The following UTRN variants were observed in gnomAD, a reference collection of about 807,000 sequenced individuals.
UTRN encodes utrophin.
A neutral mutation model predicts 463.9 loss-of-function variants in UTRN; 283 were observed. The ratio of observed to expected loss-of-function variants is 0.61; its 90% CI spans 0.55 to 0.67. The LOEUF is 0.67. UTRN is among the 30% of genes least tolerant of loss of function. The probability of loss-of-function intolerance (pLI) is 0.00; values close to 1 mark genes in which losing one functional copy is unlikely to be tolerated. For missense variants in UTRN, 3,922 were observed against 4,084.3 expected (o/e 0.96, Z 1.08); for synonymous variants, 1,442 against 1,431.5 (o/e 1.01, Z -0.17).
chr6:144,659,723 T>A (rs1439464913), intron 51 of UTRN: 2 of 152,686 alleles, frequency 1.3e-5, no homozygotes, highest in Non-Finnish European at 2.9e-5. Flanking sequence ...AGGATTTTTT[T>A]TTTTTCGTTC....
intron 52 of UTRN, among the ~76,000 whole-genome samples, chr6:144,694,267 T>C (rs1204126995): frequency 6.6e-6 from 1 of 151,758 alleles, no homozygotes; most frequent in Admixed American, 6.6e-5. Flanking sequence ...AGCTTTTTCA[T>C]GTGCTGCTGG....
rs575792278 is a variant in UTRN, at chr6:144,303,349, A to T, written c.79+11442A>T. ...CTTTGTGGGACTTTTTAGTAACAGT[A>T]TCTATAAAGCCGCAATGTAAACTTC... On this transcript the variant is annotated intron_variant, in intron 2 of 74. Coordinates refer to ENST00000367545, the MANE Select transcript of UTRN (RefSeq NM_007124.3). 2.6e-5 allele frequency among the ~76,000 whole-genome samples: 4 copies of T among 152,354 alleles called. No individual in the cohort carries two copies. In the South Asian group the frequency reaches 8.3e-4, roughly 32 times the overall value.
At chr6:144,756,785 G>A (rs9321990) in intron 57 of UTRN, among the ~76,000 whole-genome samples, 71,515 of 151,946 alleles carry the variant, frequency 0.47, 21,748 homozygotes, top group East Asian at 0.87. Flanking sequence ...TTGAGTAGAA[G>A]AATTGCTCAG....
At chr6:144,742,416 A>G (rs1285015158) in intron 54 of UTRN, among the ~76,000 whole-genome samples, 5 of 152,212 alleles carry the variant, frequency 3.3e-5, no homozygotes, top group Admixed American at 3.3e-4. Context: ...ACTTTATCAG[A>G]AAATTAGGAA....
chr6:144,386,158 TA>T (rs1562325993), intron 2 of UTRN, among the ~76,000 whole-genome samples: 1 of 152,178 alleles, frequency 6.6e-6, no homozygotes. Context: ...ATGAGCTTTT[TA>T]ATTAAAAAAT....
chr6:144,391,875 C>T (rs1002505630), intron 2 of UTRN, among the ~76,000 whole-genome samples: 71 of 152,316 alleles, frequency 4.7e-4, no homozygotes, highest in African/African-American at 1.5e-3. Flanking sequence ...CTCCTGACCT[C>T]GTGATCTGCC....
In UTRN at chr6:144,678,519, T is replaced by G. The variant is rs745720587; in HGVS notation, c.7593T>G (p.His2531Gln). The G allele has an allele frequency of 2.5e-5, 40 of 1,612,850 alleles. No individual in the cohort carries two copies. Among genetic ancestry groups the G allele is most frequent in the Admixed American group, 1.8e-4 (11 of 59,848 alleles). The change falls in exon 52 of 75, where the codon CAT becomes CAG. Residue 2531 changes from histidine (H) to glutamine (Q), a missense_variant. By Grantham distance (24) the His-to-Gln change is conservative. Coordinates refer to ENST00000367545, the MANE Select transcript of UTRN (RefSeq NM_007124.3). ...CTGAAGAGGCTACTATGCTTCAACA[T>G]CGACTGGATGATATGAACCAAAGAT... ...GNSEEATMLQ[H>Q]RLDDMNQRWN...
At chr6:144,410,818 GTGTA>G (rs201416596) in intron 3 of UTRN, among the ~76,000 whole-genome samples, 6,178 of 130,004 alleles carry the variant, frequency 0.048, 274 homozygotes, top group East Asian at 0.16. Context: ...GTGTGTGTGT[GTGTA>G]TATACACACC....
At chr6:144,376,369 C>T (rs910476640) in intron 2 of UTRN, among the ~76,000 whole-genome samples, 23 of 151,758 alleles carry the variant, frequency 1.5e-4, no homozygotes, top group Admixed American at 1.4e-3. Flanking sequence ...GCAGGAGAAT[C>T]GCTTGAACTC....
intron 51 of UTRN, among the ~76,000 whole-genome samples, chr6:144,646,639 G>A (rs1778332136): frequency 6.6e-6 from 1 of 151,964 alleles, no homozygotes; most frequent in Non-Finnish European, 1.5e-5. Flanking sequence ...ATCAAGAAAT[G>A]GGAGGTTTTC....
intron 53 of UTRN, among the ~76,000 whole-genome samples, chr6:144,717,524 T>C (rs1212679264): frequency 6.6e-6 from 1 of 152,200 alleles, no homozygotes; most frequent in African/African-American, 2.4e-5. Context: ...TCTAAGAATC[T>C]AAACTGATAT....
chr6:144,457,228 T>C (rs142556500), intron 19 of UTRN, among the ~76,000 whole-genome samples: 1 of 152,336 alleles, frequency 6.6e-6, no homozygotes, highest in Non-Finnish European at 1.5e-5. Flanking sequence ...GATTCAGATG[T>C]TTAAAATTGG....
intron 48 of UTRN, among the ~76,000 whole-genome samples, chr6:144,552,106 T>G (rs1383851391): frequency 6.6e-6 from 1 of 152,188 alleles, no homozygotes; most frequent in Non-Finnish European, 1.5e-5. Context: ...CAATACAAAT[T>G]AACTACCTAA....
chr6:144,708,832 C>T (rs1403308045), intron 53 of UTRN, among the ~76,000 whole-genome samples: 1 of 152,100 alleles, frequency 6.6e-6, no homozygotes, highest in African/African-American at 2.4e-5. Context: ...AGGCTGGGCT[C>T]ACAGTTCCAG....
chr6:144,826,860 A>G (rs1442327944), intron 66 of UTRN, among the ~76,000 whole-genome samples: 1 of 152,134 alleles, frequency 6.6e-6, no homozygotes, highest in African/African-American at 2.4e-5. Flanking sequence ...GGATGTTTAC[A>G]TTTAAAATTA....
In UTRN at chr6:144,521,225, G is replaced by A. The variant is rs376642150; in HGVS notation, c.5542-755G>A. Reference sequence around the variant, plus strand: ...CGCTTGAACCTGGGAGGCAGACGGTGCAGTGAGCCGAGATCACAGCACTGC... The same window carrying A: ...CGCTTGAACCTGGGAGGCAGACGGTACAGTGAGCCGAGATCACAGCACTGC... On this transcript the variant is annotated intron_variant, in intron 39 of 74. Transcript: ENST00000367545. Among the ~76,000 whole-genome samples the A allele has an allele frequency of 2.6e-5, 4 of 152,074 alleles. No individual in the cohort carries two copies. In the East Asian group the frequency reaches 7.7e-4, roughly 29 times the overall value.
intron 21 of UTRN, among the ~76,000 whole-genome samples, chr6:144,460,504 A>T (rs1479652098): frequency 6.6e-6 from 1 of 152,222 alleles, no homozygotes; most frequent in African/African-American, 2.4e-5. Flanking sequence ...TGTTCCTTGA[A>T]TTCAGTTATG....
chr6:144,835,664 C>G (rs1479352747), intron 69 of UTRN, 116 bp from the exon 70 acceptor site: 1 of 1,415,280 alleles, frequency 7.1e-7, no homozygotes, highest in Non-Finnish European at 9.6e-7. Context: ...ACACTGAGCT[C>G]TAAGACAAAC....
chr6:144,546,055 G>C (rs1350717632), intron 46 of UTRN, among the ~76,000 whole-genome samples: 1 of 152,056 alleles, frequency 6.6e-6, no homozygotes, highest in African/African-American at 2.4e-5. Flanking sequence ...ACACATAATA[G>C]GTTCTTAATA....
Sources: gnomAD v4.1 joint callset for allele counts (sites outside exome capture counted in the v4.1 genomes callset) on GRCh38, gnomAD v4.1.1 for gene constraint, MANE v1.5 for transcripts, NCBI Gene and HGNC (gene_info 2026-07-23, HGNC 2026-07-21) for gene names.